Variants in ATP8A2 observed in about 807,000 individuals in gnomAD.
The protein encoded by ATP8A2 is ATPase phospholipid transporting 8A2.
A neutral mutation model predicts 165.6 loss-of-function variants in ATP8A2; 100 were observed. The ratio of observed to expected loss-of-function variants is 0.60; its 90% CI spans 0.51 to 0.71. ATP8A2 has a LOEUF of 0.71. ATP8A2 is among the 30% of genes least tolerant of loss of function. The pLI is 0.00. For missense variants in ATP8A2, 1,227 were observed against 1,479.5 expected, an observed-to-expected ratio of 0.83 and a Z score of 2.80; for synonymous variants, 543 against 548.8, an observed-to-expected ratio of 0.99 and a Z score of 0.15.
chr13:25,449,283 T>G (rs149829006), intron 1 of ATP8A2, among the ~76,000 whole-genome samples: 6 of 152,338 alleles, frequency 3.9e-5, no homozygotes, highest in African/African-American at 1.4e-4. Flanking sequence ...TCACACAAAT[T>G]TTGATATTTA....
chr13:25,490,725 T>A (rs529056555), intron 2 of ATP8A2, among the ~76,000 whole-genome samples: 1 of 7,840 alleles, frequency 1.3e-4, no homozygotes, highest in South Asian at 3.0e-3. Flanking sequence ...TTAGTTTTTT[T>A]GTTTTTTTTT....
At chr13:25,988,117 G>A (rs1204719284) in intron 35 of ATP8A2, among the ~76,000 whole-genome samples, 1 of 152,242 alleles carries the variant, frequency 6.6e-6, no homozygotes, top group African/African-American at 2.4e-5. Context: ...GGCTCAGCCA[G>A]TTCATGGAGA....
At chr13:25,498,065 C>T (rs2036735579) in intron 2 of ATP8A2, among the ~76,000 whole-genome samples, 1 of 152,194 alleles carries the variant, frequency 6.6e-6, no homozygotes, top group African/African-American at 2.4e-5. Context: ...TATACCCATA[C>T]ATGTGGACAC....
At chr13:25,916,394 G>T (rs1016569224) in intron 33 of ATP8A2, among the ~76,000 whole-genome samples, 1 of 152,208 alleles carries the variant, frequency 6.6e-6, no homozygotes, top group Non-Finnish European at 1.5e-5. Flanking sequence ...CCTTGGTGGG[G>T]ACATTCCAAA....
rs1240358582 is a variant in ATP8A2, at chr13:25,531,227, T to TTATATATGA, written c.420+576_420+584dup. On this transcript the variant is annotated intron_variant, in intron 4 of 36. Transcript: ENST00000381655. ...TGATATATGTTATATATGATATATG[T>TTATATATGA]TATATATGATATATATGTTATATAT... 1.3e-4 allele frequency among the ~76,000 whole-genome samples: 15 copies of TTATATATGA among 111,744 alleles called. No individual in the cohort carries two copies. In the Admixed American group the frequency reaches 1.5e-3, roughly 11 times the overall value. The allele number at this position is 111,744 out of a possible 152,430, so 73.3% of individuals were successfully genotyped here.
intron 25 of ATP8A2, among the ~76,000 whole-genome samples, chr13:25,745,639 A>G (rs575763121): frequency 2.2e-4 from 33 of 152,284 alleles, no homozygotes; most frequent in Middle Eastern, 3.4e-3. Context: ...TGGAGTGTTT[A>G]CAAGTGGAGT....
Position 25,627,691 on chromosome 13 carries a change from C to G in ATP8A2, c.2211+37992C>G, listed in dbSNP as rs143192981. On this transcript the variant is annotated intron_variant, in intron 24 of 36. Transcript: ENST00000381655. ...AATAAATGCCTGTTGTTTAAGCCACCCAGTCTGTGGCATTTTGTTATGGCA... is the reference window on the plus strand; with the variant it reads ...AATAAATGCCTGTTGTTTAAGCCACGCAGTCTGTGGCATTTTGTTATGGCA... Among the ~76,000 whole-genome samples, 763 of 152,198 alleles carry G rather than the reference C, an allele frequency of 5.0e-3. 8 individuals carry two copies. Among genetic ancestry groups the G allele is most frequent in the South Asian group, 0.021 (99 of 4,812 alleles).
At chr13:25,612,602 A>G (rs1161592107) in intron 24 of ATP8A2, among the ~76,000 whole-genome samples, 1 of 152,128 alleles carries the variant, frequency 6.6e-6, no homozygotes, top group African/African-American at 2.4e-5. Context: ...AATAGAATTT[A>G]TATCCTGCAG....
At chr13:25,718,321 C>G (rs949234709) in intron 25 of ATP8A2, among the ~76,000 whole-genome samples, 8 of 152,204 alleles carry the variant, frequency 5.3e-5, no homozygotes, top group Non-Finnish European at 1.2e-4. Flanking sequence ...CTTAATATCA[C>G]AGAGACTCGG....
chr13:25,584,995 T>A (rs1393620035), intron 23 of ATP8A2, among the ~76,000 whole-genome samples: 1 of 152,172 alleles, frequency 6.6e-6, no homozygotes, highest in Non-Finnish European at 1.5e-5. Context: ...AATATATATA[T>A]CTATCTCGTA....
chr13:25,541,340 T>C lies in ATP8A2; in HGVS notation c.652-579T>C, dbSNP rs903233203. On this transcript the variant is annotated intron_variant, in intron 8 of 36. Coordinates refer to ENST00000381655, the MANE Select transcript of ATP8A2 (RefSeq NM_016529.6). Reference sequence around the variant, plus strand: ...AAGAACAGTTACAGCCTGGGCAACATAGCAAGACCCTATCTCTACAAAAAA... The same window carrying C: ...AAGAACAGTTACAGCCTGGGCAACACAGCAAGACCCTATCTCTACAAAAAA... 2.6e-5 allele frequency among the ~76,000 whole-genome samples: 4 copies of C among 152,198 alleles called. No individual in the cohort carries two copies. In the East Asian group the frequency reaches 5.8e-4, roughly 22 times the overall value.
intron 1 of ATP8A2, among the ~76,000 whole-genome samples, chr13:25,448,106 C>T (rs2035118273): frequency 1.3e-5 from 2 of 152,152 alleles, no homozygotes; most frequent in Admixed American, 1.3e-4. Flanking sequence ...CATTTAGGGC[C>T]ATGGGTCCAG....
At chr13:25,430,183 G>C (rs2034567578) in intron 1 of ATP8A2, among the ~76,000 whole-genome samples, 1 of 152,138 alleles carries the variant, frequency 6.6e-6, no homozygotes, top group Non-Finnish European at 1.5e-5. Flanking sequence ...TCGGGTCCAT[G>C]AGAGAGGTCC....
At chr13:25,431,669 A>G (rs1013321419) in intron 1 of ATP8A2, among the ~76,000 whole-genome samples, 5 of 152,198 alleles carry the variant, frequency 3.3e-5, no homozygotes, top group Non-Finnish European at 7.3e-5. Context: ...CTTCTCTGTA[A>G]AGTGTGGGCT....
At chr13:25,962,952 T>C (rs1955690976) in intron 34 of ATP8A2, among the ~76,000 whole-genome samples, 1 of 152,210 alleles carries the variant, frequency 6.6e-6, no homozygotes, top group African/African-American at 2.4e-5. Context: ...AATTAAATAA[T>C]TCTCATTTCT....
At chr13:25,559,660 T>A (rs1025527924) in intron 14 of ATP8A2, 61 bp from the exon 15 acceptor site, 5 of 1,244,052 alleles carry the variant, frequency 4.0e-6, no homozygotes, top group Non-Finnish European at 5.9e-6. Context: ...TCAGTTTTGA[T>A]CAGAATGTCT....
rs188890574 is a variant in ATP8A2, at chr13:25,404,216, G to A, written c.76+31928G>A. ...GAGTGGTCTTAAGACTGAAGCCTCA[G>A]TTATGCAGATAAGGAAGCTGGGGGT... On this transcript the variant is annotated intron_variant, in intron 1 of 36. Transcript: ENST00000381655. Among the ~76,000 whole-genome samples, 68 of 152,286 alleles carry A rather than the reference G, an allele frequency of 4.5e-4. No individual in the cohort carries two copies. The East Asian group carries it at 7.9e-3, about 18-fold the overall frequency.
chr13:25,609,287 A>G (rs1463136550), intron 24 of ATP8A2, among the ~76,000 whole-genome samples: 2 of 151,956 alleles, frequency 1.3e-5, no homozygotes, highest in African/African-American at 4.8e-5. Flanking sequence ...GAGTAGAATA[A>G]CATAAGAGTA....
chr13:25,832,960 AG>A (rs5802352), intron 28 of ATP8A2, among the ~76,000 whole-genome samples: 3,789 of 152,168 alleles, frequency 0.025, 159 homozygotes, highest in African/African-American at 0.084. Context: ...AGAAAACAAA[AG>A]AAAAAACAGT....
Sources: gnomAD v4.1 joint callset for allele counts (sites outside exome capture counted in the v4.1 genomes callset) on GRCh38, gnomAD v4.1.1 for gene constraint, MANE v1.5 for transcripts, NCBI Gene and HGNC (gene_info 2026-07-23, HGNC 2026-07-21) for gene names.